TMEM132D: variants seen among roughly 807,000 people sequenced by gnomAD.
TMEM132D encodes transmembrane protein 132D.
In TMEM132D, 21 loss-of-function variants were observed where a neutral mutation model predicts 62.3. That is an observed-to-expected ratio of 0.34 (90% confidence interval 0.24 to 0.49). TMEM132D has a LOEUF of 0.49. TMEM132D is among the 20% of genes least tolerant of loss of function. The probability of loss-of-function intolerance (pLI) is 0.99; values close to 1 mark genes in which losing one functional copy is unlikely to be tolerated. For missense variants in TMEM132D, 1,346 were observed against 1,402.8 expected, an observed-to-expected ratio of 0.96 and a Z score of 0.65; for synonymous variants, 621 against 575.6, an observed-to-expected ratio of 1.08 and a Z score of -1.13.
chr12:129,573,112 C>T (rs1002343326), intron 2 of TMEM132D, among the ~76,000 whole-genome samples: 3 of 152,114 alleles, frequency 2.0e-5, no homozygotes, highest in Non-Finnish European at 4.4e-5. Flanking sequence ...TGTCGTGGTG[C>T]TAGGTGACTG....
intron 3 of TMEM132D, among the ~76,000 whole-genome samples, chr12:129,481,566 T>A (rs1284663459): frequency 6.6e-6 from 1 of 151,762 alleles, no homozygotes; most frequent in African/African-American, 2.4e-5. Flanking sequence ...TACCAACACA[T>A]ACTTGAAAAG....
chr12:129,863,424 G>C (rs1188821270), intron 1 of TMEM132D, among the ~76,000 whole-genome samples: 4 of 152,116 alleles, frequency 2.6e-5, no homozygotes, highest in Non-Finnish European at 4.4e-5. Context: ...CGGCGAGTCT[G>C]GTATTTTTAA....
intron 1 of TMEM132D, among the ~76,000 whole-genome samples, chr12:129,759,694 C>G (rs1414876806): frequency 2.6e-5 from 4 of 152,014 alleles, no homozygotes; most frequent in South Asian, 2.1e-4. Flanking sequence ...CTAAATAGAT[C>G]CTAAAGGAAA....
At chr12:129,893,694 G>T (rs1240891141) in intron 1 of TMEM132D, among the ~76,000 whole-genome samples, 1 of 152,194 alleles carries the variant, frequency 6.6e-6, no homozygotes, top group Admixed American at 6.5e-5. Context: ...CTCTGGATTT[G>T]ATATCATCCA....
chr12:129,652,151 T>A lies in TMEM132D; in HGVS notation c.968+47659A>T, dbSNP rs1361905093. On this transcript the variant is annotated intron_variant, in intron 2 of 8. Coordinates refer to ENST00000422113, the MANE Select transcript of TMEM132D (RefSeq NM_133448.3). ...TAATGAATCACTTGCACAACACATC[T>A]GCTTTGAATCAAGTCAGTACTTTGG... Among the ~76,000 whole-genome samples, 3 of 152,188 alleles carry A rather than the reference T, an allele frequency of 2.0e-5. No homozygotes were observed. In the East Asian group the frequency reaches 5.8e-4, roughly 29 times the overall value.
chr12:129,707,483 G>A (rs1881534434), intron 1 of TMEM132D, among the ~76,000 whole-genome samples: 1 of 152,066 alleles, frequency 6.6e-6, no homozygotes, highest in South Asian at 2.1e-4. Context: ...ACACACAGTA[G>A]CATAGAGGGG....
chr12:129,322,034 A>T (rs1243413442), intron 4 of TMEM132D, among the ~76,000 whole-genome samples: 1 of 151,996 alleles, frequency 6.6e-6, no homozygotes, highest in Non-Finnish European at 1.5e-5. Flanking sequence ...TCAGACATCC[A>T]TTTTAGTCAT....
intron 6 of TMEM132D, 49 bp downstream of exon 6, chr12:129,084,448 C>G (rs755052788): frequency 2.3e-5 from 35 of 1,532,594 alleles, no homozygotes; most frequent in Non-Finnish European, 2.6e-6. Flanking sequence ...ATTTACCACC[C>G]CGTACACTTC....
intron 3 of TMEM132D, among the ~76,000 whole-genome samples, chr12:129,356,626 C>T (rs960230069): frequency 2.0e-5 from 3 of 147,492 alleles, no homozygotes; most frequent in Admixed American, 6.8e-5. Context: ...GAGACTATTC[C>T]GGACAACATG....
In TMEM132D at chr12:129,692,284, A is replaced by T. The variant is rs528138353; in HGVS notation, c.968+7526T>A. On this transcript the variant is annotated intron_variant, in intron 2 of 8. Transcript: ENST00000422113. ...TATACAAGGCTGATTTCATGTTCAA[A>T]AACTAATCAGGATAATTCATTCACT... is the stretch of plus-strand genomic sequence containing the variant. Among the ~76,000 whole-genome samples the T allele has an allele frequency of 3.9e-5, 6 of 152,342 alleles. No individual in the cohort carries two copies. The East Asian group carries it at 1.2e-3, about 29-fold the overall frequency.
At chr12:129,198,791 C>A (rs1307573993) in intron 5 of TMEM132D, among the ~76,000 whole-genome samples, 1 of 152,036 alleles carries the variant, frequency 6.6e-6, no homozygotes, top group African/African-American at 2.4e-5. Context: ...TTTCAACTGT[C>A]CTCACTACAA....
At position 129,285,526 on chromosome 12, in the gene TMEM132D, C is replaced by CAAAAAAAAAAAAAAAAAAAA. The variant is rs1555244565; in HGVS notation, c.1299+52107_1299+52108insTTTTTTTTTTTTTTTTTTTT. Among the ~76,000 whole-genome samples, 6 of 40,960 alleles carry CAAAAAAAAAAAAAAAAAAAA rather than the reference C, an allele frequency of 1.5e-4. 1 individual carries two copies. Among genetic ancestry groups the CAAAAAAAAAAAAAAAAAAAA allele is most frequent in the Admixed American group, 4.1e-4 (1 of 2,446 alleles). 26.9% of individuals were successfully genotyped at this position (40,960 alleles called of 152,430 possible). On this transcript the variant is annotated intron_variant, in intron 4 of 8. Transcript: ENST00000422113. ...TGGGTGACAGAGTGAGACTGTGTCTCAAAAAAAAAAAAAAGAGAGAGAGAG... is the reference window on the plus strand; with the variant it reads ...TGGGTGACAGAGTGAGACTGTGTCTCAAAAAAAAAAAAAAAAAAAAAAAAAAAAAAAAAAGAGAGAGAGAG...
At chr12:129,080,327 A>C (rs1874409452) in intron 7 of TMEM132D, among the ~76,000 whole-genome samples, 1 of 151,490 alleles carries the variant, frequency 6.6e-6, no homozygotes. Flanking sequence ...AGGCACCACC[A>C]CTCCCTGTTG....
chr12:129,313,164 T>TTATTG (rs1488364713), intron 4 of TMEM132D, among the ~76,000 whole-genome samples: 1 of 152,018 alleles, frequency 6.6e-6, no homozygotes, highest in Non-Finnish European at 1.5e-5. Flanking sequence ...GACATACATT[T>TTATTG]TATTTTATAT....
At chr12:129,185,287 T>C (rs1260160792) in intron 5 of TMEM132D, among the ~76,000 whole-genome samples, 1 of 152,092 alleles carries the variant, frequency 6.6e-6, no homozygotes, top group Non-Finnish European at 1.5e-5. Flanking sequence ...ATTTCTGTGA[T>C]CTGTCATCAC....
At chr12:129,261,665 C>T (rs1352371734) in intron 4 of TMEM132D, among the ~76,000 whole-genome samples, 1 of 152,170 alleles carries the variant, frequency 6.6e-6, no homozygotes, top group Non-Finnish European at 1.5e-5. Flanking sequence ...ATCAGTGTTT[C>T]TTTCCTGTGA....
chr12:129,461,597 C>A (rs370766678), intron 3 of TMEM132D, among the ~76,000 whole-genome samples: 1 of 151,984 alleles, frequency 6.6e-6, no homozygotes, highest in African/African-American at 2.4e-5. Context: ...GTCTTCACAT[C>A]AAACTGGAAG....
intron 5 of TMEM132D, among the ~76,000 whole-genome samples, chr12:129,181,208 T>A (rs1878056540): frequency 6.6e-6 from 1 of 152,144 alleles, no homozygotes; most frequent in Non-Finnish European, 1.5e-5. Flanking sequence ...CTGTTCTCCA[T>A]CCTGTCTCCT....
At chr12:129,802,033 C>T (rs1320289692) in intron 1 of TMEM132D, among the ~76,000 whole-genome samples, 2 of 147,936 alleles carry the variant, frequency 1.4e-5, no homozygotes, top group Non-Finnish European at 3.0e-5. Context: ...AAATATGGGA[C>T]TATGTGAAAA....
Sources: gnomAD v4.1 joint callset for allele counts (sites outside exome capture counted in the v4.1 genomes callset) on GRCh38, gnomAD v4.1.1 for gene constraint, MANE v1.5 for transcripts, NCBI Gene and HGNC (gene_info 2026-07-23, HGNC 2026-07-21) for gene names.